Variants in CDKAL1 observed in about 807,000 individuals in gnomAD.
CDKAL1 encodes the protein threonylcarbamoyladenosine tRNA methylthiotransferase.
CDKAL1 carries 32 observed loss-of-function variants against 68.2 expected under a neutral mutation model. The ratio of observed to expected loss-of-function variants is 0.47; its 90% CI spans 0.35 to 0.63. The LOEUF (loss-of-function observed/expected upper bound fraction) is 0.63, where lower values mean the gene tolerates loss of function less well. Among genes scored for constraint, CDKAL1 ranks in the 30% least tolerant of loss-of-function variants. The pLI, the probability that CDKAL1 is intolerant of heterozygous loss-of-function variation, is 0.00. For synonymous variants in CDKAL1, 234 were observed against 244.3 expected (o/e 0.96, Z 0.39); for missense variants, 606 against 696.7 (o/e 0.87, Z 1.47).
At chr6:21,170,514 G>A (rs1323623449) in intron 13 of CDKAL1, among the ~76,000 whole-genome samples, 1 of 152,016 alleles carries the variant, frequency 6.6e-6, no homozygotes, top group Non-Finnish European at 1.5e-5. Flanking sequence ...ATTTTTAGTA[G>A]AGACAGGGTT....
chr6:21,004,963 CA>C (rs1767642870), intron 11 of CDKAL1, among the ~76,000 whole-genome samples: 2 of 151,798 alleles, frequency 1.3e-5, no homozygotes, highest in South Asian at 4.2e-4. Context: ...TCCTGTCTTT[CA>C]AAAAAAATTT....
chr6:21,222,335 C>G (rs1202378251), intron 15 of CDKAL1, among the ~76,000 whole-genome samples: 1 of 152,140 alleles, frequency 6.6e-6, no homozygotes, highest in Non-Finnish European at 1.5e-5. Flanking sequence ...TTCTCATTCC[C>G]AGAATTGAAA....
intron 5 of CDKAL1, among the ~76,000 whole-genome samples, chr6:20,709,414 G>A (rs1247281483): frequency 6.6e-6 from 1 of 151,808 alleles, no homozygotes; most frequent in Non-Finnish European, 1.5e-5. Context: ...ATACTCATTG[G>A]AGCATTTTCA....
intron 11 of CDKAL1, among the ~76,000 whole-genome samples, chr6:21,002,657 T>TA (rs747646615): frequency 7.5e-4 from 51 of 68,164 alleles, no homozygotes; most frequent in South Asian, 1.9e-3. Context: ...TAACCTATTT[T>TA]AAAAAAAAAA....
chr6:20,698,465 A>T (rs75255288), intron 5 of CDKAL1, among the ~76,000 whole-genome samples: 2,283 of 152,220 alleles, frequency 0.015, 49 homozygotes, highest in African/African-American at 0.052. Context: ...TATTTCATCC[A>T]GGGTACTATG....
chr6:20,626,962 C>A (rs1767459478), intron 4 of CDKAL1, among the ~76,000 whole-genome samples: 1 of 152,164 alleles, frequency 6.6e-6, no homozygotes. Flanking sequence ...GCTTTTCTAG[C>A]CTCTACTGTA....
chr6:21,092,726 C>T (rs1017132669), intron 12 of CDKAL1, among the ~76,000 whole-genome samples: 12 of 121,532 alleles, frequency 9.9e-5, no homozygotes, highest in African/African-American at 2.8e-4. Context: ...GGCAGGAAGA[C>T]GAAAACTTAA....
intron 4 of CDKAL1, among the ~76,000 whole-genome samples, chr6:20,645,636 C>T (rs1487804202): frequency 6.6e-6 from 1 of 151,808 alleles, no homozygotes; most frequent in Non-Finnish European, 1.5e-5. Flanking sequence ...GCGGCTGAGG[C>T]AGGAGAATCA....
intron 7 of CDKAL1, among the ~76,000 whole-genome samples, chr6:20,759,472 G>C (rs888989100): frequency 5.3e-5 from 8 of 152,096 alleles, no homozygotes; most frequent in Non-Finnish European, 1.0e-4. Context: ...AGGCTGGGAG[G>C]TTGAGGCTGC....
chr6:21,166,757 T>TA (rs1168607667), intron 13 of CDKAL1, among the ~76,000 whole-genome samples: 4 of 151,908 alleles, frequency 2.6e-5, no homozygotes, highest in Non-Finnish European at 5.9e-5. Flanking sequence ...ATTTGGGATT[T>TA]AAAAAAAAGC....
chr6:20,591,286 T>G (rs1765581086), intron 4 of CDKAL1, among the ~76,000 whole-genome samples: 1 of 151,724 alleles, frequency 6.6e-6, no homozygotes, highest in Non-Finnish European at 1.5e-5. Context: ...GCAAAAATTT[T>G]CTCCCATTCT....
At chr6:21,138,960 G>A (rs1166997790) in intron 13 of CDKAL1, among the ~76,000 whole-genome samples, 1 of 152,194 alleles carries the variant, frequency 6.6e-6, no homozygotes, top group Non-Finnish European at 1.5e-5. Flanking sequence ...ACTGTCTCCA[G>A]TCATGCACAG....
chr6:21,213,959 A>T (rs1191098567), intron 15 of CDKAL1, among the ~76,000 whole-genome samples: 1 of 152,234 alleles, frequency 6.6e-6, no homozygotes, highest in African/African-American at 2.4e-5. Flanking sequence ...GACAAACAAA[A>T]TGTGGTATGT....
chr6:21,110,024 T>G (rs1051421476), intron 13 of CDKAL1, among the ~76,000 whole-genome samples: 2 of 152,238 alleles, frequency 1.3e-5, no homozygotes, highest in South Asian at 4.1e-4. Context: ...CCTCAGATTA[T>G]TTTGGCTTCC....
At chr6:21,132,841 C>T (rs1775396142) in intron 13 of CDKAL1, among the ~76,000 whole-genome samples, 2 of 152,060 alleles carry the variant, frequency 1.3e-5, no homozygotes, top group Admixed American at 6.5e-5. Flanking sequence ...TATTTAGTGG[C>T]TGTTAGGAAG....
intron 4 of CDKAL1, among the ~76,000 whole-genome samples, chr6:20,648,185 G>T (rs1768573603): frequency 6.7e-6 from 1 of 149,990 alleles, no homozygotes; most frequent in Non-Finnish European, 1.5e-5. Flanking sequence ...GAATGCAGTG[G>T]CATAATGATC....
chr6:20,788,842 C>T (rs1775782752), intron 8 of CDKAL1, among the ~76,000 whole-genome samples: 1 of 152,200 alleles, frequency 6.6e-6, no homozygotes, highest in South Asian at 2.1e-4. Context: ...CTTCAATTTC[C>T]TATTTCACCT....
intron 9 of CDKAL1, among the ~76,000 whole-genome samples, chr6:20,899,271 G>A (rs1451362059): frequency 6.6e-6 from 1 of 151,806 alleles, no homozygotes; most frequent in Non-Finnish European, 1.5e-5. Context: ...CACCATGTTG[G>A]CCAGGATGGT....
At chr6:20,708,452 T>C (rs905956743) in intron 5 of CDKAL1, among the ~76,000 whole-genome samples, 1 of 152,226 alleles carries the variant, frequency 6.6e-6, no homozygotes, top group Non-Finnish European at 1.5e-5. Context: ...ATGAGACAGA[T>C]TGGATTTAGC....
Sources: allele counts gnomAD v4.1 joint callset (sites outside exome capture counted in the v4.1 genomes callset), GRCh38; gene constraint gnomAD v4.1.1; transcripts MANE v1.5; gene names NCBI Gene and HGNC (gene_info 2026-07-23, HGNC 2026-07-21).